The following NEBL variants were observed in gnomAD, a reference collection of about 807,000 sequenced individuals.
NEBL encodes the protein nebulette.
A neutral mutation model predicts 140.2 loss-of-function variants in NEBL; 122 were observed. The ratio of observed to expected loss-of-function variants is 0.87; its 90% CI spans 0.75 to 1.01. The LOEUF (loss-of-function observed/expected upper bound fraction) is 1.01. Ranked by LOEUF, NEBL falls within the 50% of genes least tolerant of loss-of-function variation. NEBL has a pLI of 0.00. For missense variants in NEBL, 1,365 were observed against 1,231.3 expected (o/e 1.11, Z -1.62); for synonymous variants, 436 against 398.9 (o/e 1.09, Z -1.11).
chr10:21,041,359 C>T (rs771132711), intron 2 of NEBL, among the ~76,000 whole-genome samples: 2 of 152,152 alleles, frequency 1.3e-5, no homozygotes, highest in African/African-American at 2.4e-5. Context: ...CCATCAAAAG[C>T]TTGCAAAGCC....
rs921167242 is a variant in NEBL at position 20,818,950 on chromosome 10, G to A, written c.2055+474C>T. 2.6e-5 allele frequency: 25 copies of A among 963,624 alleles called. No individual in the cohort carries two copies. The South Asian group carries it at 3.3e-4, about 13-fold the overall frequency. The allele number at this position is 963,624 out of a possible 1,614,324, so 59.7% of individuals were successfully genotyped here. On this transcript the variant is annotated intron_variant, in intron 20 of 27. Coordinates refer to ENST00000377122, the MANE Select transcript of NEBL (RefSeq NM_006393.3). ...TGGAGATATTCCGTTTATCATCATC[G>A]TTATTATTGCAGTTGTTAAATTTTA...
chr10:20,873,578 G>A (rs901614241), intron 5 of NEBL, among the ~76,000 whole-genome samples: 1 of 151,898 alleles, frequency 6.6e-6, no homozygotes, highest in Non-Finnish European at 1.5e-5. Context: ...AATAATGATA[G>A]TCTCAATTTT....
intron 3 of NEBL, among the ~76,000 whole-genome samples, chr10:21,238,556 C>A (rs907786337): frequency 6.7e-6 from 1 of 150,218 alleles, no homozygotes; most frequent in Admixed American, 6.7e-5. Context: ...AAAAAAATAC[C>A]AAAATTAGCT....
At chr10:20,860,567 GA>G (rs386370893) in intron 7 of NEBL, among the ~76,000 whole-genome samples, 22 of 118,138 alleles carry the variant, frequency 1.9e-4, no homozygotes, top group East Asian at 7.7e-4. Context: ...ACTACAAAAA[GA>G]AAAAAAAAAA....
chr10:20,895,809 T>C (rs939887345), intron 2 of NEBL, among the ~76,000 whole-genome samples: 1 of 152,228 alleles, frequency 6.6e-6, no homozygotes, highest in Admixed American at 6.5e-5. Flanking sequence ...ATTGGATGGA[T>C]GTAAAAGGAA....
At chr10:21,071,882 A>C (rs970631450) in intron 2 of NEBL, among the ~76,000 whole-genome samples, 7 of 152,022 alleles carry the variant, frequency 4.6e-5, no homozygotes, top group Admixed American at 3.3e-4. Context: ...GCAGTGGTGC[A>C]ATCTTGGCTC....
chr10:20,864,103 T>C (rs1045567144), intron 7 of NEBL, among the ~76,000 whole-genome samples: 1 of 152,196 alleles, frequency 6.6e-6, no homozygotes, highest in African/African-American at 2.4e-5. Flanking sequence ...ATGCTAATTA[T>C]TATAAATACA....
At chr10:21,053,252 T>C (rs1261457049) in intron 2 of NEBL, among the ~76,000 whole-genome samples, 2 of 152,164 alleles carry the variant, frequency 1.3e-5, no homozygotes, top group African/African-American at 4.8e-5. Flanking sequence ...GATTTGTAGT[T>C]TGGAGAATTT....
chr10:20,807,356 T>C (rs1424931549), intron 26 of NEBL, among the ~76,000 whole-genome samples: 1 of 152,156 alleles, frequency 6.6e-6, no homozygotes, highest in Admixed American at 6.5e-5. Context: ...GAACCCTTCA[T>C]TAGCAATTCA....
At chr10:21,076,008 C>T (rs563793186) in intron 2 of NEBL, among the ~76,000 whole-genome samples, 1 of 152,102 alleles carries the variant, frequency 6.6e-6, no homozygotes, top group South Asian at 2.1e-4. Context: ...TTACGATGGT[C>T]ATGATTTTAA....
chr10:20,843,044 T>C (rs906281006), intron 12 of NEBL, among the ~76,000 whole-genome samples: 1 of 152,068 alleles, frequency 6.6e-6, no homozygotes, highest in Non-Finnish European at 1.5e-5. Flanking sequence ...AAAACCCGTA[T>C]GTTGAAGCCC....
At chr10:21,267,037 C>T (rs574817055) in intron 1 of NEBL, among the ~76,000 whole-genome samples, 1 of 152,060 alleles carries the variant, frequency 6.6e-6, no homozygotes, top group African/African-American at 2.4e-5. Context: ...TGCAACGGCG[C>T]GATCTCGGCT....
At position 21,288,845 on chromosome 10, in the gene NEBL, TATATA is replaced by T. The variant is rs1183443732; in HGVS notation, n.182+3980_182+3984del. On this transcript the variant is annotated intron_variant and non_coding_transcript_variant, in intron 1 of 8. Coordinates refer to the NEBL transcript ENST00000675702. ...GTATATATATATATATATATATATA[TATATA>T]AAAATTTTTTTTTTTTGAGACGGAG... Among the ~76,000 whole-genome samples, 225 of 84,674 alleles carry T rather than the reference TATATA, an allele frequency of 2.7e-3. 7 individuals carry two copies. Among genetic ancestry groups the T allele is most frequent in the African/African-American group, 0.011 (210 of 19,032 alleles). The allele number at this position is 84,674 out of a possible 152,430, so 55.5% of individuals were successfully genotyped here. A position where few individuals can be genotyped will look rare whatever the true frequency, so the allele number is the denominator to read the frequency against.
intron 2 of NEBL, chr10:21,170,359 G>A (rs1841018673): frequency 6.6e-6 from 1 of 152,198 alleles, no homozygotes; most frequent in Non-Finnish European, 1.5e-5. Context: ...GAATCCTGAT[G>A]TGGTCCATAA....
intron 12 of NEBL, among the ~76,000 whole-genome samples, chr10:20,841,986 CTTG>C (rs1164165909): frequency 6.6e-6 from 1 of 152,068 alleles, no homozygotes; most frequent in African/African-American, 2.4e-5. Context: ...TAATGAGTTG[CTTG>C]TTTTCTTACT....
intron 2 of NEBL, among the ~76,000 whole-genome samples, chr10:20,893,594 A>G (rs555868844): frequency 2.4e-4 from 37 of 152,308 alleles, no homozygotes; most frequent in African/African-American, 8.4e-4. Context: ...ATTTCTCTCT[A>G]TGGAGAATTC....
intron 4 of NEBL, among the ~76,000 whole-genome samples, 153 bp from the exon 5 acceptor site, chr10:20,881,057 T>C (rs1285900944): frequency 1.3e-5 from 2 of 152,220 alleles, no homozygotes; most frequent in East Asian, 1.9e-4. Context: ...CCACAATGCA[T>C]TCATCTTTAT....
chr10:21,041,870 C>T (rs1036174291), intron 2 of NEBL, among the ~76,000 whole-genome samples: 1 of 152,090 alleles, frequency 6.6e-6, no homozygotes, highest in Non-Finnish European at 1.5e-5. Flanking sequence ...AGTAATTTCC[C>T]GATGTTGTCA....
At chr10:21,082,531 C>G (rs1243028399) in intron 2 of NEBL, among the ~76,000 whole-genome samples, 2 of 89,794 alleles carry the variant, frequency 2.2e-5, no homozygotes, top group African/African-American at 6.1e-5. Context: ...TTCCCCACCA[C>G]CACTAAAAAA....
Sources: gnomAD v4.1 joint callset for allele counts (sites outside exome capture counted in the v4.1 genomes callset) on GRCh38, gnomAD v4.1.1 for gene constraint, MANE v1.5 for transcripts, NCBI Gene and HGNC (gene_info 2026-07-23, HGNC 2026-07-21) for gene names.